The following ADAMTS1 variants were observed in gnomAD, a reference collection of about 807,000 sequenced individuals.
The protein encoded by ADAMTS1 is A disintegrin and metalloproteinase with thrombospondin motifs 1.
A neutral mutation model predicts 87.9 loss-of-function variants in ADAMTS1; 19 were observed. The observed-to-expected ratio is 0.22, with a 90% CI of 0.15 to 0.32. The LOEUF (loss-of-function observed/expected upper bound fraction) is 0.32, where lower values mean the gene tolerates loss of function less well. Among genes scored for constraint, ADAMTS1 ranks in the 10% least tolerant of loss-of-function variants. The pLI, the probability that ADAMTS1 is intolerant of heterozygous loss-of-function variation, is 1.00. For missense variants in ADAMTS1, 1,240 were observed against 1,259.1 expected, an observed-to-expected ratio of 0.98 and a Z score of 0.23; for synonymous variants, 542 against 501.8, an observed-to-expected ratio of 1.08 and a Z score of -1.07.
In ADAMTS1 at chr21:26,844,661, G is replaced by C. The variant is rs752102354; in HGVS notation, c.294C>G (p.Pro98=). 1 of 1,600,124 alleles carries C rather than the reference G, an allele frequency of 6.2e-7. No homozygotes were observed. Among genetic ancestry groups the C allele is most frequent in the Non-Finnish European group, 8.5e-7 (1 of 1,173,938 alleles). Residue 98 remains proline (P), a synonymous_variant, in exon 1 of 9, where the codon CCC becomes CCG. Coordinates refer to ENST00000284984, the MANE Select transcript of ADAMTS1 (RefSeq NM_006988.5). Reference sequence around the variant, plus strand: ...GCCCCACGTTCTGGAGCGTGAAGCCGGGCGCCAAAAAGCTGCTGTCGGGCC... The same window carrying C: ...GCCCCACGTTCTGGAGCGTGAAGCCCGGCGCCAAAAAGCTGCTGTCGGGCC... ...ELRPDSSFLA[P]GFTLQNVGRK...
Position 26,844,340 on chromosome 21 carries a change from G to A in ADAMTS1, c.615C>T (p.Pro205=), listed in dbSNP as rs140248284. 1.9e-6 allele frequency: 3 copies of A among 1,605,570 alleles called. No homozygotes were observed. The South Asian group carries it at 3.3e-5, about 18-fold the overall frequency. Residue 205 remains proline, a synonymous_variant, in exon 1 of 9, where the codon CCC becomes CCT. Transcript: ENST00000284984. Reference sequence around the variant, plus strand: ...CGGTCTCCGCTTTCCCAGTCGGCCGGGGCTCGTCGTCCACGACCCCGCACG... The same window carrying A: ...CGGTCTCCGCTTTCCCAGTCGGCCGAGGCTCGTCGTCCACGACCCCGCACG... ...GGTCGVVDDE[P]RPTGKAETED... is the part of the protein sequence containing the mutation.
rs755849173 is a variant in ADAMTS1 at position 26,840,270 on chromosome 21, ACT to A, written c.1665+4_1665+5del. The A allele has an allele frequency of 1.2e-6, 2 of 1,609,418 alleles. No individual in the cohort carries two copies. The highest frequency in any genetic ancestry group is 2.7e-5 in the African/African-American group (2 of 74,920). Reference sequence around the variant, plus strand: ...ATTCTGAATGTGTTTCAGTAGAAAAACTCACATCAAAATGCTTTCTGTCGGTT... The same window carrying A: ...ATTCTGAATGTGTTTCAGTAGAAAAACACATCAAAATGCTTTCTGTCGGTT... On this transcript the variant is annotated splice_donor_5th_base_variant and intron_variant, in intron 5 of 8. Coordinates refer to ENST00000284984, the MANE Select transcript of ADAMTS1 (RefSeq NM_006988.5).
At position 26,836,147 on chromosome 21, in the gene ADAMTS1, C is replaced by T. The variant is rs1050376765; in HGVS notation, c.*1432G>A. ...CATTAGAAAAAAATCTTCTATTCAG[C>T]CGTCTTGCTTCACCTTCCTCTAGAA... is the stretch of plus-strand genomic sequence containing the variant. On this transcript the variant is annotated 3_prime_UTR_variant, in exon 9 of 9. Transcript: ENST00000284984. 6.6e-6 allele frequency: 1 copy of T among 152,134 alleles called. No individual in the cohort carries two copies. The highest frequency in any genetic ancestry group is 6.6e-5 in the Admixed American group (1 of 15,260). The allele number at this position is 152,134 out of a possible 1,614,324, so 9.4% of individuals were successfully genotyped here. A position where few individuals can be genotyped will look rare whatever the true frequency, so the allele number is the denominator to read the frequency against.
Position 26,838,465 on chromosome 21 carries a change from T to A in ADAMTS1, c.2178A>T (p.Lys726Asn). 6.2e-7 allele frequency: 1 copy of A among 1,614,206 alleles called. No homozygotes were observed. The highest frequency in any genetic ancestry group is 8.5e-7 in the Non-Finnish European group (1 of 1,180,028). Reference protein sequence around the residue: ...VCGGNGSTCKKISGSVTSAKP... With the variant: ...VCGGNGSTCKNISGSVTSAKP... ...TTGCACTAGTAACTGATCCTGATAT[T>A]TTTTTACAAGTAGATCCATTTCCCC... The change falls in exon 8 of 9, where the codon AAA (lysine) becomes AAT (asparagine). Residue 726 changes from lysine to asparagine, a missense_variant. Around this residue, in one of 3 missense-constraint regions of ADAMTS1, gnomAD observed 402 missense variants for 399.1 expected, o/e 1.01. Coordinates refer to ENST00000284984, the MANE Select transcript of ADAMTS1 (RefSeq NM_006988.5).
intron 3 of ADAMTS1, 168 bp from the exon 4 acceptor site, chr21:26,841,333 G>C (rs1032762438): frequency 3.1e-6 from 2 of 642,508 alleles, no homozygotes; most frequent in Non-Finnish European, 2.6e-6. Context: ...ACAAAAATTA[G>C]CCGGGTGTGG....
intron 3 of ADAMTS1, 129 bp downstream of exon 3, chr21:26,841,729 A>AT (rs1391552246): frequency 9.2e-7 from 1 of 1,085,824 alleles, no homozygotes; most frequent in Non-Finnish European, 1.3e-6. Context: ...GTGACAAAAT[A>AT]TTTTCTATAG....
chr21:26,842,552 C>T lies in ADAMTS1; in HGVS notation c.864G>A (p.Val288=), dbSNP rs138185641. 3 of 1,614,020 alleles carry T rather than the reference C, an allele frequency of 1.9e-6. No homozygotes were observed. The highest frequency in any genetic ancestry group is 1.3e-5 in the African/African-American group (1 of 74,904). The part of the protein sequence containing the change: ...LKHYLLTLFS[V]AARLYKHPSI... ...TGGGGTGTTTGTACAATCTGGCTGC[C>T]ACCGAAAACAACGTGAGAAGGTAAT... is the stretch of plus-strand genomic sequence containing the variant. Residue 288 remains valine (V), a synonymous_variant, in exon 2 of 9, where the codon GTG becomes GTA. Coordinates refer to ENST00000284984, the MANE Select transcript of ADAMTS1 (RefSeq NM_006988.5).
rs77718820 is a variant in ADAMTS1, at chr21:26,841,919, T to C, written c.1149A>G (p.Arg383=). ...CATCATCTTCTATGACGGAGCAGCT[T>C]CTGCTCGGATCACACACAGTTCCAA... ...ADVGTVCDPS[R]SCSVIEDDGL... is the part of the protein sequence containing the mutation. The change falls in exon 3 of 9, where the codon AGA becomes AGG. Residue 383 remains arginine (R), a synonymous_variant. Transcript: ENST00000284984. The C allele has an allele frequency of 2.0e-3, 3,301 of 1,614,164 alleles. 55 individuals carry two copies. The African/African-American group carries it at 0.037, about 18-fold the overall frequency.
Position 26,836,110 on chromosome 21 carries a change from A to C in ADAMTS1, c.*1469T>G, listed in dbSNP as rs544037742. ...AGCAATCATGTATACCAAGGATATA[A>C]GAAATACATCTCATTAGAAAAAAAT... On this transcript the variant is annotated 3_prime_UTR_variant, in exon 9 of 9. Coordinates refer to ENST00000284984, the MANE Select transcript of ADAMTS1 (RefSeq NM_006988.5). The C allele has an allele frequency of 6.6e-6, 1 of 152,372 alleles. No individual in the cohort carries two copies. The highest frequency in any genetic ancestry group is 2.1e-4 in the South Asian group (1 of 4,832). 9.4% of individuals were successfully genotyped at this position (152,372 alleles called of 1,614,324 possible).
At position 26,845,349 on chromosome 21, in the gene ADAMTS1, T is replaced by G. The variant is rs1340673301; in HGVS notation, c.-395A>C. ...TCTGCTCAGGGCTCTCCCCTCTCCG[T>G]CCGGTAGCGCACCCTGGCTTTGCAA... is the stretch of plus-strand genomic sequence containing the variant. On this transcript the variant is annotated 5_prime_UTR_variant, in exon 1 of 9. Transcript: ENST00000284984. The G allele has an allele frequency of 1.1e-5, 2 of 181,820 alleles. No individual in the cohort carries two copies. The highest frequency in any genetic ancestry group is 2.3e-5 in the Non-Finnish European group (2 of 88,408). The allele number at this position is 181,820 out of a possible 1,614,324, so 11.3% of individuals were successfully genotyped here. A position where few individuals can be genotyped will look rare whatever the true frequency, so the allele number is the denominator to read the frequency against.
rs556226496 is a variant in ADAMTS1, at chr21:26,840,238, C to T, written c.1665+38G>A. 3 of 1,595,258 alleles carry T rather than the reference C, an allele frequency of 1.9e-6. No homozygotes were observed. In the East Asian group the frequency reaches 6.7e-5, roughly 36 times the overall value. On this transcript the variant is annotated intron_variant, in intron 5 of 8. Transcript: ENST00000284984. ...TCATATCTTTTACCATCACTTTGTT[C>T]TTTTCAATTCTGAATGTGTTTCAGT...
In ADAMTS1 at chr21:26,837,798, T is replaced by C. The variant is rs1170263568; in HGVS notation, c.2685A>G (p.Glu895=). The change falls in exon 9 of 9, where the codon GAA becomes GAG. Residue 895 remains glutamate, a synonymous_variant. Coordinates refer to ENST00000284984, the MANE Select transcript of ADAMTS1 (RefSeq NM_006988.5). The stretch of plus-strand genomic sequence containing the variant: ...AAGGTCTGGTGCTGGCTGGCTTCAC[T>C]TCCTTTGCACACTCGGAAGCAGGCT... ...NGQPASECAK[E]VKPASTRPCA... The C allele has an allele frequency of 1.2e-6, 2 of 1,614,204 alleles. No individual in the cohort carries two copies. Among genetic ancestry groups the C allele is most frequent in the Non-Finnish European group, 1.7e-6 (2 of 1,180,044 alleles).
rs1243528446 is a variant in ADAMTS1, at chr21:26,844,858, C to G, written c.97G>C (p.Val33Leu). ...GCGGCGAGCAGCAGCAGCGTGGGTA[C>G]TGGCCCAAAGCTCCGAGACCCCGGA... ...RAPGSRSFGP[V>L]PTLLLLAAAL... Residue 33 changes from valine (V) to leucine (L), a missense_variant, in exon 1 of 9, where the codon GTA (valine) becomes CTA (leucine). By Grantham distance (32) the Val-to-Leu change is conservative. Transcript: ENST00000284984. 1 of 1,561,540 alleles carries G rather than the reference C, an allele frequency of 6.4e-7. No individual in the cohort carries two copies. The highest frequency in any genetic ancestry group is 8.7e-7 in the Non-Finnish European group (1 of 1,154,572).
intron 1 of ADAMTS1, chr21:26,843,594 TG>T: frequency 2.2e-6 from 1 of 464,182 alleles, no homozygotes; most frequent in South Asian, 1.6e-5. Flanking sequence ...GAGTGCAAAC[TG>T]GGAGGCGGGG....
rs1337702971 is a variant in ADAMTS1 at position 26,844,819 on chromosome 21, C to T, written c.136G>A (p.Val46Met). 3 of 1,549,790 alleles carry T rather than the reference C, an allele frequency of 1.9e-6. No individual in the cohort carries two copies. Among genetic ancestry groups the T allele is most frequent in the Non-Finnish European group, 2.6e-6 (3 of 1,147,496 alleles). Residue 46 changes from valine to methionine, a missense_variant, in exon 1 of 9, where the codon GTG becomes ATG. Physicochemically the swap from Val to Met is conservative, Grantham distance 21 (BLOSUM62 1). Around this residue, in one of 3 missense-constraint regions of ADAMTS1, gnomAD observed 521 missense variants for 449.7 expected, o/e 1.16. Coordinates refer to ENST00000284984, the MANE Select transcript of ADAMTS1 (RefSeq NM_006988.5). ...GAGGGGCGCCCGAGTGCGTCCGACA[C>T]GGCCAGTAGCGCCGCGGCGAGCAGC... ...LLLLAAALLAVSDALGRPSEE... is the reference protein window; with the variant it reads ...LLLLAAALLAMSDALGRPSEE...
Position 26,842,668 on chromosome 21 carries a change from T to G in ADAMTS1, c.748A>C (p.Lys250Gln). The change falls in exon 2 of 9, where the codon AAG becomes CAG. Residue 250 changes from lysine (K) to glutamine (Q), a missense_variant. Lys to Gln is a moderately conservative substitution (Grantham distance 53). Around this residue, in one of 3 missense-constraint regions of ADAMTS1, gnomAD observed 521 missense variants for 449.7 expected, o/e 1.16. Transcript: ENST00000284984. ...CGGTGACTGGACACAAATCGCTTCT[T>G]TCTTATGCTTCCAGTTCCTGTAAAG... Reference protein sequence around the residue: ...GQPTGTGSIRKKRFVSSHRYV... With the variant: ...GQPTGTGSIRQKRFVSSHRYV... 6.2e-7 allele frequency: 1 copy of G among 1,613,006 alleles called. No homozygotes were observed. The highest frequency in any genetic ancestry group is 1.3e-5 in the African/African-American group (1 of 74,966).
chr21:26,845,128 A>C lies in ADAMTS1; in HGVS notation c.-174T>G. The C allele has an allele frequency of 1.2e-6, 1 of 846,220 alleles. No homozygotes were observed. The highest frequency in any genetic ancestry group is 1.6e-6 in the Non-Finnish European group (1 of 628,368). The allele number at this position is 846,220 out of a possible 1,614,324, so 52.4% of individuals were successfully genotyped here. A position where few individuals can be genotyped will look rare whatever the true frequency, so the allele number is the denominator to read the frequency against. ...AGCCGAAGCTCCCGGAGTCACTAAAAGGAGGCGCTGCAGTTCTGCCGGCGC... is the reference window on the plus strand; with the variant it reads ...AGCCGAAGCTCCCGGAGTCACTAAACGGAGGCGCTGCAGTTCTGCCGGCGC... On this transcript the variant is annotated 5_prime_UTR_variant, in exon 1 of 9. Coordinates refer to ENST00000284984, the MANE Select transcript of ADAMTS1 (RefSeq NM_006988.5).
At chr21:26,844,166 G>A in intron 1 of ADAMTS1, 59 bp downstream of exon 1, 1 of 1,505,712 alleles carries the variant, frequency 6.6e-7, no homozygotes, top group Non-Finnish European at 8.9e-7. Context: ...AGTCGCGTGG[G>A]ATAGATAAAG....
chr21:26,841,829 GCTTAA>G, intron 3 of ADAMTS1, 24 bp downstream of exon 3: 1 of 1,601,744 alleles, frequency 6.2e-7, no homozygotes, highest in Non-Finnish European at 8.5e-7. Flanking sequence ...TCTGAATTGA[GCTTAA>G]CTTCTACTTT....
Sources: allele counts gnomAD v4.1 joint callset, GRCh38; gene constraint gnomAD v4.1.1; regional missense constraint gnomAD v4.1.1; transcripts MANE v1.5; gene names NCBI Gene and HGNC (gene_info 2026-07-23, HGNC 2026-07-21).